INTS2: variants seen among roughly 807,000 people sequenced by gnomAD.
INTS2 encodes the protein integrator complex subunit 2, also known as KIAA1287.
In INTS2, 57 loss-of-function variants were observed where a neutral mutation model predicts 139.6. The observed-to-expected ratio is 0.41, with a 90% CI of 0.33 to 0.51. The LOEUF is 0.51. INTS2 is among the 20% of genes least tolerant of loss of function. INTS2 has a pLI of 0.28. For synonymous variants in INTS2, 473 were observed against 493.4 expected (o/e 0.96, Z 0.55); for missense variants, 1,196 against 1,436.7 (o/e 0.83, Z 2.71).
chr17:61,892,297 T>C (rs2079302987), intron 13 of INTS2, among the ~76,000 whole-genome samples: 1 of 152,248 alleles, frequency 6.6e-6, no homozygotes, highest in Non-Finnish European at 1.5e-5. Context: ...GCATATATTA[T>C]TCACTGTTCT....
chr17:61,916,523 A>C (rs1366961861), intron 5 of INTS2, among the ~76,000 whole-genome samples: 4 of 152,226 alleles, frequency 2.6e-5, no homozygotes, highest in Non-Finnish European at 4.4e-5. Context: ...GATCTTCAAC[A>C]AAGTTGACAA....
At chr17:61,918,086 C>A (rs75762339) in intron 5 of INTS2, among the ~76,000 whole-genome samples, 315 of 152,278 alleles carry the variant, frequency 2.1e-3, no homozygotes, top group Non-Finnish European at 3.0e-3. Context: ...CATCAAAACT[C>A]CTCTCTCAGT....
At chr17:61,880,459 G>A (rs983832952) in intron 17 of INTS2, among the ~76,000 whole-genome samples, 1 of 151,992 alleles carries the variant, frequency 6.6e-6, no homozygotes, top group Non-Finnish European at 1.5e-5. Context: ...GAAAGAAATG[G>A]TAAAAATTCC....
chr17:61,927,669 C>T lies in INTS2; in HGVS notation c.-34G>A, dbSNP rs893943611. ...CGCTTCATACCTTAAGATCTACCCT[C>T]CAGCCTCACGGAACCGCACACGGAC... is the stretch of plus-strand genomic sequence containing the variant. On this transcript the variant is annotated 5_prime_UTR_variant, in exon 1 of 25. Transcript: ENST00000251334. 3.5e-5 allele frequency: 50 copies of T among 1,416,586 alleles called. No homozygotes were observed. Among genetic ancestry groups the T allele is most frequent in the Non-Finnish European group, 4.4e-5 (48 of 1,088,512 alleles). 87.8% of individuals were successfully genotyped at this position (1,416,586 alleles called of 1,614,324 possible). A position where few individuals can be genotyped will look rare whatever the true frequency, so the allele number is the denominator to read the frequency against.
rs1167975379 is a variant in INTS2, at chr17:61,865,451, A to G, written c.*2106T>C. On this transcript the variant is annotated 3_prime_UTR_variant, in exon 25 of 25. Coordinates refer to ENST00000251334, the MANE Select transcript of INTS2 (RefSeq NM_001351695.2). The surrounding 1 kb of genome is among the most constrained non-coding windows in gnomAD (Gnocchi z 4.8). ...TGTTTTCACTTGAATAAAAAAACAC[A>G]TTGTGACAAATTTTATAACCTTAAC... 2.6e-5 allele frequency: 4 copies of G among 152,678 alleles called. No homozygotes were observed. The highest frequency in any genetic ancestry group is 2.1e-4 in the South Asian group (1 of 4,836). The allele number at this position is 152,678 out of a possible 1,614,324, so 9.5% of individuals were successfully genotyped here. A position where few individuals can be genotyped will look rare whatever the true frequency, so the allele number is the denominator to read the frequency against.
At chr17:61,877,040 C>T (rs1169224714) in intron 18 of INTS2, among the ~76,000 whole-genome samples, 2 of 151,900 alleles carry the variant, frequency 1.3e-5, no homozygotes, top group African/African-American at 4.8e-5. Flanking sequence ...TTTAATATAC[C>T]TGTGTTGTGA....
rs1308490161 is a variant in INTS2 at position 61,871,209 on chromosome 17, CT to C, written c.2778+1055del. ...GATCTCAGCTCACTGCAACCTCCGC[CT>C]CCCGGGTTCAAGCCATTCTCCTGCC... On this transcript the variant is annotated intron_variant, in intron 20 of 24. Transcript: ENST00000251334. The surrounding 1 kb of genome is among the most constrained non-coding windows in gnomAD (Gnocchi z 4.9). Among the ~76,000 whole-genome samples the C allele has an allele frequency of 6.6e-6, 1 of 152,204 alleles. No homozygotes were observed. The highest frequency in any genetic ancestry group is 1.5e-5 in the Non-Finnish European group (1 of 68,038).
intron 5 of INTS2, among the ~76,000 whole-genome samples, chr17:61,914,549 A>C (rs1054375997): frequency 6.6e-6 from 1 of 152,038 alleles, no homozygotes; most frequent in East Asian, 1.9e-4. Flanking sequence ...AATACAAAAA[A>C]ATTAGCCGGG....
At chr17:61,923,607 T>C (rs1603384772) in intron 3 of INTS2, among the ~76,000 whole-genome samples, 2 of 152,070 alleles carry the variant, frequency 1.3e-5, no homozygotes, top group Non-Finnish European at 2.9e-5. Context: ...CTTTATTTAC[T>C]ATAAATTAAC....
rs1249750451 is a variant in INTS2, at chr17:61,893,714, T to C, written c.1698+51A>G. On this transcript the variant is annotated intron_variant, in intron 13 of 24. Transcript: ENST00000251334. This position sits in a 1 kb window ranked among gnomAD's most constrained non-coding sequence, Gnocchi z 5.4. ...CATCTCAAAAGAAAAAAAATATATA[T>C]ATAAAAATGTAGGGGCATGCTTTTA... The C allele has an allele frequency of 3.8e-6, 5 of 1,329,670 alleles. No homozygotes were observed. The highest frequency in any genetic ancestry group is 4.9e-6 in the Non-Finnish European group (5 of 1,014,622). The allele number at this position is 1,329,670 out of a possible 1,614,324, so 82.4% of individuals were successfully genotyped here.
rs2079140201 is a variant in INTS2 at position 61,877,934 on chromosome 17, T to C, written c.2409A>G (p.Gln803=). 1 of 1,613,902 alleles carries C rather than the reference T, an allele frequency of 6.2e-7. No homozygotes were observed. Among genetic ancestry groups the C allele is most frequent in the African/African-American group, 1.3e-5 (1 of 75,058 alleles). The part of the protein sequence containing the change: ...LNSGVPRRIL[Q]TVNKLWMVLN... ...GAACCATCCATAGTTTATTGACTGT[T>C]TGCAGAATTCTCCGTGGAACCCCTG... is the stretch of plus-strand genomic sequence containing the variant. The change falls in exon 18 of 25, where the codon CAA becomes CAG. Residue 803 remains glutamine (Q), a synonymous_variant. Transcript: ENST00000251334.
chr17:61,912,484 G>T (rs190563512), intron 5 of INTS2, among the ~76,000 whole-genome samples: 2 of 151,922 alleles, frequency 1.3e-5, no homozygotes, highest in African/African-American at 2.4e-5. Context: ...TTAGCTGGGC[G>T]TGGTGGCAGG....
chr17:61,869,625 C>T lies in INTS2; in HGVS notation c.3030+112G>A, dbSNP rs1350268520. The T allele has an allele frequency of 9.4e-6, 12 of 1,278,564 alleles. No homozygotes were observed. Among genetic ancestry groups the T allele is most frequent in the Non-Finnish European group, 1.1e-5 (10 of 925,118 alleles). The allele number at this position is 1,278,564 out of a possible 1,614,324, so 79.2% of individuals were successfully genotyped here. On this transcript the variant is annotated intron_variant, in intron 21 of 24. Coordinates refer to ENST00000251334, the MANE Select transcript of INTS2 (RefSeq NM_001351695.2). This position sits in a 1 kb window ranked among gnomAD's most constrained non-coding sequence, Gnocchi z 5.4. ...GATTTTTCTCCATATTGCAAAAGCC[C>T]ATGGATCATTTGTGTTTTCTCTGGT...
chr17:61,922,664 T>C (rs1040617447), intron 3 of INTS2, among the ~76,000 whole-genome samples: 2 of 151,538 alleles, frequency 1.3e-5, no homozygotes, highest in East Asian at 1.9e-4. Context: ...TCCTATATAA[T>C]GAAGAGTGCC....
rs768247562 is a variant in INTS2 at position 61,925,142 on chromosome 17, A to C, written c.294-43T>G. 4 of 1,543,042 alleles carry C rather than the reference A, an allele frequency of 2.6e-6. No individual in the cohort carries two copies. The South Asian group carries it at 3.4e-5, about 13-fold the overall frequency. On this transcript the variant is annotated intron_variant, in intron 2 of 24. Coordinates refer to ENST00000251334, the MANE Select transcript of INTS2 (RefSeq NM_001351695.2). ...ATGTAACAATTATGAAAACACTGAT[A>C]TGGAAATAATTGCATAAAAATTATC...
chr17:61,904,482 G>A lies in INTS2; in HGVS notation c.1285C>T (p.Leu429=), dbSNP rs748370355. ...TACCTGACAAGTGTAGAAAAGGCCAGTAGCATACAAAAGGAAAGTGAAACA... is the reference window on the plus strand; with the variant it reads ...TACCTGACAAGTGTAGAAAAGGCCAATAGCATACAAAAGGAAAGTGAAACA... ...RFVSLSFCML[L]AFSTLVSTPE... is the part of the protein sequence containing the mutation. Residue 429 remains leucine (L), a synonymous_variant, in exon 9 of 25, where the codon CTG becomes TTG. Coordinates refer to ENST00000251334, the MANE Select transcript of INTS2 (RefSeq NM_001351695.2). The A allele has an allele frequency of 6.2e-7, 1 of 1,610,900 alleles. No individual in the cohort carries two copies. Among genetic ancestry groups the A allele is most frequent in the South Asian group, 1.1e-5 (1 of 90,740 alleles).
chr17:61,924,941 T>G lies in INTS2; in HGVS notation c.432+20A>C. The G allele has an allele frequency of 6.2e-7, 1 of 1,607,810 alleles. No homozygotes were observed. Among genetic ancestry groups the G allele is most frequent in the Non-Finnish European group, 8.5e-7 (1 of 1,176,744 alleles). On this transcript the variant is annotated intron_variant, in intron 3 of 24. Coordinates refer to ENST00000251334, the MANE Select transcript of INTS2 (RefSeq NM_001351695.2). ...ACATCAAATCATGCATACTTTGAGC[T>G]GTGGTTAAAAGAAATGCACCTTGTT...
chr17:61,895,377 T>C lies in INTS2; in HGVS notation c.1501A>G (p.Ile501Val), dbSNP rs1417817097. Residue 501 changes from isoleucine (I) to valine (V), a missense_variant, in exon 12 of 25, where the codon ATT (isoleucine) becomes GTT (valine). Ile to Val is a conservative substitution (Grantham distance 29). This residue lies in a region of INTS2 where 1,129 missense variants were observed against 1,341.9 expected (regional missense o/e 0.84). Coordinates refer to ENST00000251334, the MANE Select transcript of INTS2 (RefSeq NM_001351695.2). Reference protein sequence around the residue: ...VCSTLGMKIVIKPSSLSRMKT... With the variant: ...VCSTLGMKIVVKPSSLSRMKT... ...ATCCTGCTCAAGGAGCTTGGCTTAA[T>C]TACAATCTAAAATTACCAAAAGAAT... The C allele has an allele frequency of 6.4e-7, 1 of 1,569,844 alleles. No individual in the cohort carries two copies. The highest frequency in any genetic ancestry group is 2.3e-5 in the East Asian group (1 of 43,518).
rs1158981659 is a variant in INTS2, at chr17:61,921,911, C to T, written c.433-84G>A. On this transcript the variant is annotated intron_variant, in intron 3 of 24. Transcript: ENST00000251334. ...TTTTTATAATTATTTCTTGAGCTCA[C>T]AGATTATGTCTCTTAATGTATCACT... is the stretch of plus-strand genomic sequence containing the variant. 4 of 701,586 alleles carry T rather than the reference C, an allele frequency of 5.7e-6. No homozygotes were observed. The East Asian group carries it at 1.1e-4, about 19-fold the overall frequency. The allele number at this position is 701,586 out of a possible 1,614,324, so 43.5% of individuals were successfully genotyped here. A position where few individuals can be genotyped will look rare whatever the true frequency, so the allele number is the denominator to read the frequency against.
Sources: gnomAD v4.1 joint callset for allele counts (sites outside exome capture counted in the v4.1 genomes callset) on GRCh38, gnomAD v4.1.1 for gene constraint, gnomAD v4.1.1 regional missense constraint, Gnocchi (gnomAD v3.1) non-coding constraint, MANE v1.5 for transcripts, NCBI Gene and HGNC (gene_info 2026-07-23, HGNC 2026-07-21) for gene names.